The following ITFG1 variants were observed in gnomAD, a reference collection of about 807,000 sequenced individuals.
ITFG1 encodes T-cell immunomodulatory protein.
In ITFG1, 34 loss-of-function variants were observed where a neutral mutation model predicts 81.8. The observed-to-expected ratio is 0.42, with a 90% CI of 0.32 to 0.55. The LOEUF is 0.55. ITFG1 is among the 20% of genes least tolerant of loss of function. ITFG1 has a pLI of 0.17. For synonymous variants in ITFG1, 285 were observed against 270.6 expected (o/e 1.05, Z -0.52); for missense variants, 672 against 755.4 (o/e 0.89, Z 1.29).
chr16:47,184,619 C>A (rs890623283), intron 14 of ITFG1, among the ~76,000 whole-genome samples: 18 of 151,912 alleles, frequency 1.2e-4, no homozygotes, highest in African/African-American at 4.3e-4. Context: ...AAAAGAGCTC[C>A]TGAAGGAAGC....
At chr16:47,198,011 G>T (rs1188770127) in intron 14 of ITFG1, among the ~76,000 whole-genome samples, 1 of 152,214 alleles carries the variant, frequency 6.6e-6, no homozygotes, top group Non-Finnish European at 1.5e-5. Flanking sequence ...AGGGCTCAGA[G>T]ATTACATTGT....
chr16:47,226,724 T>C (rs1965762917), intron 13 of ITFG1, among the ~76,000 whole-genome samples: 1 of 152,096 alleles, frequency 6.6e-6, no homozygotes, highest in Non-Finnish European at 1.5e-5. Context: ...TTTTTTCATC[T>C]ATTTCAACCA....
chr16:47,271,073 T>G (rs992185940), intron 10 of ITFG1, among the ~76,000 whole-genome samples: 2 of 152,232 alleles, frequency 1.3e-5, no homozygotes, highest in East Asian at 3.9e-4. Flanking sequence ...AATTAAGCTA[T>G]TAAAAATACA....
At chr16:47,179,042 A>G (rs1344781003) in intron 14 of ITFG1, among the ~76,000 whole-genome samples, 1 of 152,126 alleles carries the variant, frequency 6.6e-6, no homozygotes, top group Non-Finnish European at 1.5e-5. Context: ...ATCTCACACC[A>G]GTTAGAATGG....
intron 8 of ITFG1, among the ~76,000 whole-genome samples, chr16:47,358,314 C>T (rs575790978): frequency 6.6e-6 from 1 of 152,236 alleles, no homozygotes; most frequent in African/African-American, 2.4e-5. Flanking sequence ...ACTTCGAATA[C>T]ATGGAAACAG....
At chr16:47,272,826 C>G (rs912020864) in intron 10 of ITFG1, among the ~76,000 whole-genome samples, 1 of 151,380 alleles carries the variant, frequency 6.6e-6, no homozygotes, top group Non-Finnish European at 1.5e-5. Flanking sequence ...TTAAAAAACC[C>G]ATGGTAAATG....
intron 12 of ITFG1, among the ~76,000 whole-genome samples, chr16:47,245,622 T>C (rs1185709774): frequency 1.3e-5 from 2 of 152,184 alleles, no homozygotes; most frequent in African/African-American, 4.8e-5. Flanking sequence ...AATAAATGTA[T>C]AGAACAGAAT....
At chr16:47,281,097 C>T (rs1375219852) in intron 10 of ITFG1, among the ~76,000 whole-genome samples, 1 of 152,020 alleles carries the variant, frequency 6.6e-6, no homozygotes, top group Non-Finnish European at 1.5e-5. Context: ...AATTTGTAGC[C>T]AAGTTGGAGA....
intron 8 of ITFG1, among the ~76,000 whole-genome samples, chr16:47,354,616 C>A (rs535496408): frequency 6.6e-6 from 1 of 151,704 alleles, no homozygotes; most frequent in Non-Finnish European, 1.5e-5. Context: ...GATGAGACAA[C>A]CTAAAAAATG....
intron 10 of ITFG1, among the ~76,000 whole-genome samples, chr16:47,305,639 A>G (rs1284234458): frequency 6.6e-6 from 1 of 152,314 alleles, no homozygotes; most frequent in African/African-American, 2.4e-5. Flanking sequence ...TAGAAAGAAC[A>G]TAAGAGGTTA....
chr16:47,231,288 A>G (rs1965814293), intron 13 of ITFG1, among the ~76,000 whole-genome samples: 2 of 152,378 alleles, frequency 1.3e-5, no homozygotes, highest in Middle Eastern at 3.4e-3. Context: ...GACTTTGGTG[A>G]AAAGAATTAC....
chr16:47,266,877 G>C (rs925231350), intron 10 of ITFG1, among the ~76,000 whole-genome samples: 1 of 152,162 alleles, frequency 6.6e-6, no homozygotes, highest in East Asian at 1.9e-4. Flanking sequence ...GCCAAAAAAG[G>C]AATCTATTAT....
In ITFG1 at chr16:47,437,721, C is replaced by G. The variant is rs895311897; in HGVS notation, c.561-8823G>C. On this transcript the variant is annotated intron_variant, in intron 5 of 17. Coordinates refer to ENST00000320640, the MANE Select transcript of ITFG1 (RefSeq NM_030790.5). ...AAAATGTAAGGAGTTGGGGTTGGAG[C>G]CAAGATGGCCAAATAGGAACGGCTC... Among the ~76,000 whole-genome samples the G allele has an allele frequency of 2.6e-5, 4 of 152,160 alleles. No individual in the cohort carries two copies. In the East Asian group the frequency reaches 7.7e-4, roughly 29 times the overall value.
rs528586046 is a variant in ITFG1, at chr16:47,425,258, G to A, written c.655+3546C>T. On this transcript the variant is annotated intron_variant, in intron 6 of 17. Coordinates refer to ENST00000320640, the MANE Select transcript of ITFG1 (RefSeq NM_030790.5). ...GTGTGGGACCCGTGGAGCCAGGCAC[G>A]GGAAGGTATCTTCTGGTCTGCTGGT... is the stretch of plus-strand genomic sequence containing the variant. Among the ~76,000 whole-genome samples, 36 of 152,300 alleles carry A rather than the reference G, an allele frequency of 2.4e-4. No homozygotes were observed. In the South Asian group the frequency reaches 6.2e-3, roughly 26 times the overall value.
At chr16:47,307,387 T>C (rs1046628849) in intron 10 of ITFG1, among the ~76,000 whole-genome samples, 1 of 152,170 alleles carries the variant, frequency 6.6e-6, no homozygotes, top group Non-Finnish European at 1.5e-5. Flanking sequence ...CAGAGGTTTC[T>C]TCCCTCAGAA....
At chr16:47,344,302 A>G (rs1159906910) in intron 8 of ITFG1, among the ~76,000 whole-genome samples, 1 of 152,236 alleles carries the variant, frequency 6.6e-6, no homozygotes, top group South Asian at 2.1e-4. Flanking sequence ...ATTTTTAAAA[A>G]AGTAGATTAG....
At chr16:47,290,435 A>C (rs1966892348) in intron 10 of ITFG1, among the ~76,000 whole-genome samples, 1 of 152,082 alleles carries the variant, frequency 6.6e-6, no homozygotes, top group Non-Finnish European at 1.5e-5. Context: ...TATTGTATTG[A>C]AGTCTACCTT....
At chr16:47,365,901 A>G (rs1363436973) in intron 7 of ITFG1, 32 bp from the exon 8 acceptor site, 3 of 1,087,414 alleles carry the variant, frequency 2.8e-6, no homozygotes, top group Non-Finnish European at 2.8e-6. Context: ...GAATTAGACC[A>G]TCTTAATCCA....
At chr16:47,251,136 C>A (rs1002567322) in intron 12 of ITFG1, among the ~76,000 whole-genome samples, 1 of 152,210 alleles carries the variant, frequency 6.6e-6, no homozygotes, top group Admixed American at 6.5e-5. Context: ...AACATCCTCT[C>A]ATTACTTCCC....
Sources: gnomAD v4.1 joint callset for allele counts (sites outside exome capture counted in the v4.1 genomes callset) on GRCh38, gnomAD v4.1.1 for gene constraint, MANE v1.5 for transcripts, NCBI Gene and HGNC (gene_info 2026-07-23, HGNC 2026-07-21) for gene names.